SEC16A: variants seen among roughly 807,000 people sequenced by gnomAD.
SEC16A encodes SEC16 homolog A, endoplasmic reticulum export factor.
SEC16A carries 110 observed loss-of-function variants against 221.9 expected under a neutral mutation model. The ratio of observed to expected loss-of-function variants is 0.50; its 90% confidence interval spans 0.42 to 0.58. The LOEUF (loss-of-function observed/expected upper bound fraction) is 0.58. Among genes scored for constraint, SEC16A ranks in the 20% least tolerant of loss-of-function variants. The pLI is 0.00. For synonymous variants in SEC16A, 1,393 were observed against 1,257.7 expected (o/e 1.11, Z -2.28); for missense variants, 3,165 against 3,097.8 (o/e 1.02, Z -0.52).
chr9:136,465,664 C>A (rs147021441), intron 8 of SEC16A, among the ~76,000 whole-genome samples: 1 of 152,194 alleles, frequency 6.6e-6, no homozygotes, highest in Non-Finnish European at 1.5e-5. Context: ...ACGGGGTCTG[C>A]GATGGGGATG....
At chr9:136,444,545 C>T (rs1836677867) in intron 30 of SEC16A, among the ~76,000 whole-genome samples, 1 of 152,168 alleles carries the variant, frequency 6.6e-6, no homozygotes, top group African/African-American at 2.4e-5. Context: ...TTGACTAGGA[C>T]ACCTCAGGGT....
At chr9:136,464,379 G>A (rs762003520) in intron 9 of SEC16A, 41 bp downstream of exon 9, 79 of 1,558,602 alleles carry the variant, frequency 5.1e-5, no homozygotes, top group Middle Eastern at 1.7e-4. Context: ...GTTCCCCAGG[G>A]CAGCAGAGCA....
chr9:136,445,603 G>A (rs1452987668), intron 29 of SEC16A, 42 bp downstream of exon 29: 2 of 1,446,178 alleles, frequency 1.4e-6, no homozygotes, highest in Non-Finnish European at 1.9e-6. Flanking sequence ...AGCTGCTGGG[G>A]AGGCCTGGGC....
chr9:136,482,857 A>C, intron 1 of SEC16A, 81 bp downstream of exon 1: 1 of 466,630 alleles, frequency 2.1e-6, no homozygotes, highest in Non-Finnish European at 2.8e-6. Context: ...CCGCGCCCCG[A>C]CCTCCACGGC....
At chr9:136,458,446 G>C (rs569475204) in intron 17 of SEC16A, among the ~76,000 whole-genome samples, 1 of 151,946 alleles carries the variant, frequency 6.6e-6, no homozygotes, top group African/African-American at 2.4e-5. Flanking sequence ...GGCTAACACG[G>C]TGAAACCCCA....
chr9:136,445,793 TG>T, intron 28 of SEC16A, 74 bp from the exon 29 acceptor site: 1 of 1,310,960 alleles, frequency 7.6e-7, no homozygotes. Context: ...CCAAAAAATA[TG>T]AAACTGTTCT....
rs114386206 is a variant in SEC16A at position 136,476,377 on chromosome 9, G to C, written c.1239C>G (p.Pro413=). 2 of 1,612,740 alleles carry C rather than the reference G, an allele frequency of 1.2e-6. No individual in the cohort carries two copies. The highest frequency in any genetic ancestry group is 1.7e-6 in the Non-Finnish European group (2 of 1,179,836). Residue 413 remains proline (P), a synonymous_variant, in exon 3 of 32, where the codon CCC becomes CCG. Coordinates refer to ENST00000684901, the MANE Select transcript of SEC16A (RefSeq NM_014866.2). The part of the protein sequence containing the change: ...FCSSPGLGRP[P]APTHVGAGSL... ...TGCCTGCCCCCACGTGTGTAGGTGC[G>C]GGCGGACGGCCTAGCCCAGGGCTGG... is the stretch of plus-strand genomic sequence containing the variant.
In SEC16A at chr9:136,463,577, G is replaced by A; in HGVS notation, c.4533C>T (p.Val1511=). 2.5e-6 allele frequency: 4 copies of A among 1,613,846 alleles called. No homozygotes were observed. Among genetic ancestry groups the A allele is most frequent in the Non-Finnish European group, 3.4e-6 (4 of 1,179,848 alleles). Residue 1511 remains valine (V), a synonymous_variant, in exon 11 of 32, where the codon GTC becomes GTT. Coordinates refer to ENST00000684901, the MANE Select transcript of SEC16A (RefSeq NM_014866.2). ...TAGCTTTGTTCTGTGCAAAATTAAT[G>A]ACATCCACCTTATGGGTGTCGTCTC... is the stretch of plus-strand genomic sequence containing the variant. The part of the protein sequence containing the change: ...LAKDDTHKVD[V]INFAQNKAMK...
In SEC16A at chr9:136,447,045, C is replaced by T. The variant is rs1217476078; in HGVS notation, c.6698-96G>A. On this transcript the variant is annotated intron_variant, in intron 27 of 31. Transcript: ENST00000684901. The surrounding 1 kb of genome is among the most constrained non-coding windows in gnomAD (Gnocchi z 5.5). ...GAGAGGAAGAGAGTTTCACACTGCA[C>T]ACGCGGCACACTCATGCAGAAACAG... 1 of 1,585,926 alleles carries T rather than the reference C, an allele frequency of 6.3e-7. No individual in the cohort carries two copies. Among genetic ancestry groups the T allele is most frequent in the Non-Finnish European group, 8.6e-7 (1 of 1,168,162 alleles).
chr9:136,446,111 T>G (rs548830311), intron 28 of SEC16A, among the ~76,000 whole-genome samples: 38 of 151,298 alleles, frequency 2.5e-4, no homozygotes, highest in African/African-American at 8.5e-4. Flanking sequence ...CTGGTTTTTT[T>G]TTTTTTTTTT....
chr9:136,484,190 C>A, upstream of SEC16A: 1 of 249,542 alleles, frequency 4.0e-6, no homozygotes, highest in Non-Finnish European at 6.6e-6. Context: ...GTTCCCCCGG[C>A]CGCCAGCCCC....
chr9:136,451,751 G>A (rs1339833322), intron 22 of SEC16A, among the ~76,000 whole-genome samples: 2 of 152,202 alleles, frequency 1.3e-5, no homozygotes, highest in African/African-American at 4.8e-5. Context: ...TGGCCAGAGG[G>A]GGGCGATGGG....
Position 136,466,831 on chromosome 9 carries a change from A to G in SEC16A, c.3929+126T>C. On this transcript the variant is annotated intron_variant, in intron 6 of 31. Transcript: ENST00000684901. The surrounding 1 kb of genome is among the most constrained non-coding windows in gnomAD (Gnocchi z 5.5). ...CCTCCTTCCTTTCAGACAGGGACCA[A>G]AACATCAGGCAGATGCTCACCCAAA... is the stretch of plus-strand genomic sequence containing the variant. 1 of 1,231,792 alleles carries G rather than the reference A, an allele frequency of 8.1e-7. No individual in the cohort carries two copies. The highest frequency in any genetic ancestry group is 1.1e-6 in the Non-Finnish European group (1 of 904,810). The allele number at this position is 1,231,792 out of a possible 1,614,324, so 76.3% of individuals were successfully genotyped here. A position where few individuals can be genotyped will look rare whatever the true frequency, so the allele number is the denominator to read the frequency against.
Position 136,447,964 on chromosome 9 carries a change from G to A in SEC16A, c.6391-55C>T, listed in dbSNP as rs1837238610. ...AGCAGACTGAACCTAAACAGAATTA[G>A]CATCTGATTAATGATGACACTTCAA... On this transcript the variant is annotated intron_variant, in intron 24 of 31. Transcript: ENST00000684901. The surrounding 1 kb of genome is among the most constrained non-coding windows in gnomAD (Gnocchi z 5.5). 6.5e-7 allele frequency: 1 copy of A among 1,530,896 alleles called. No individual in the cohort carries two copies. The highest frequency in any genetic ancestry group is 1.9e-5 in the Admixed American group (1 of 53,666). The allele number at this position is 1,530,896 out of a possible 1,614,324, so 94.8% of individuals were successfully genotyped here.
chr9:136,469,346 C>T lies in SEC16A; in HGVS notation c.3705-834G>A, dbSNP rs964838777. 5.3e-5 allele frequency among the ~76,000 whole-genome samples: 8 copies of T among 152,198 alleles called. No individual in the cohort carries two copies. In the South Asian group the frequency reaches 6.2e-4, roughly 12 times the overall value. Reference sequence around the variant, plus strand: ...ACGTGGTGTCAGATTCCTACACGTGCCCCAGAAAGGCTGGTTTTGTAGACC... The same window carrying T: ...ACGTGGTGTCAGATTCCTACACGTGTCCCAGAAAGGCTGGTTTTGTAGACC... On this transcript the variant is annotated intron_variant, in intron 4 of 31. Transcript: ENST00000684901.
At chr9:136,480,335 G>A (rs1402768228) in intron 1 of SEC16A, among the ~76,000 whole-genome samples, 2 of 152,096 alleles carry the variant, frequency 1.3e-5, no homozygotes, top group Admixed American at 6.5e-5. Flanking sequence ...GGCCTTCCCC[G>A]GGAAGATCCT....
chr9:136,484,132 T>C (rs766234753), upstream of SEC16A: 9 of 170,402 alleles, frequency 5.3e-5, no homozygotes, highest in Non-Finnish European at 8.4e-5. Flanking sequence ...AGGCCCACCC[T>C]GGCCCCAGCC....
At chr9:136,446,055 C>G (rs950728695) in intron 28 of SEC16A, among the ~76,000 whole-genome samples, 13 of 151,014 alleles carry the variant, frequency 8.6e-5, no homozygotes, top group African/African-American at 1.2e-4. Context: ...GAATGGAGAA[C>G]AGGATTAGGC....
chr9:136,472,286 G>C (rs942747512), intron 3 of SEC16A, among the ~76,000 whole-genome samples, 175 bp from the exon 4 acceptor site: 1 of 152,222 alleles, frequency 6.6e-6, no homozygotes, highest in African/African-American at 2.4e-5. Flanking sequence ...CTCTCCAGCA[G>C]GACTGAGCGT....
Sources: allele counts gnomAD v4.1 joint callset (sites outside exome capture counted in the v4.1 genomes callset), GRCh38; gene constraint gnomAD v4.1.1; non-coding constraint Gnocchi (gnomAD v3.1); transcripts MANE v1.5; gene names NCBI Gene and HGNC (gene_info 2026-07-23, HGNC 2026-07-21).